Variants in DDX60L observed in about 807,000 individuals in gnomAD.
DDX60L encodes the protein probable ATP-dependent RNA helicase DDX60-like.
In DDX60L, 191 loss-of-function variants were observed where a neutral mutation model predicts 211.6. The observed-to-expected ratio is 0.90, with a 90% CI of 0.80 to 1.02. The LOEUF is 1.02. Ranked by LOEUF, DDX60L falls within the 50% of genes least tolerant of loss-of-function variation. The pLI is 0.00. For synonymous variants in DDX60L, 706 were observed against 694.1 expected, an observed-to-expected ratio of 1.02 and a Z score of -0.27; for missense variants, 2,007 against 1,984.1, an observed-to-expected ratio of 1.01 and a Z score of -0.22.
At chr4:168,470,423 G>C (rs1287658809) in intron 4 of DDX60L, 11 of 152,044 alleles carry the variant, frequency 7.2e-5, no homozygotes, top group African/African-American at 2.4e-4. Context: ...CAAGAAAATG[G>C]GTAAACAAAC....
intron 14 of DDX60L, among the ~76,000 whole-genome samples, chr4:168,424,409 T>C (rs1388217865): frequency 1.3e-5 from 2 of 152,190 alleles, no homozygotes; most frequent in African/African-American, 4.8e-5. Flanking sequence ...TATAAAGTCT[T>C]TATCCTCTTT....
chr4:168,377,446 A>T (rs1295798657), intron 33 of DDX60L, among the ~76,000 whole-genome samples: 1 of 152,160 alleles, frequency 6.6e-6, no homozygotes, highest in Non-Finnish European at 1.5e-5. Flanking sequence ...CTCTTTTTGT[A>T]GCAAAGAGAG....
At chr4:168,394,638 A>G (rs776456583) in intron 27 of DDX60L, 21 bp from the exon 28 acceptor site, 2 of 1,570,700 alleles carry the variant, frequency 1.3e-6, no homozygotes, top group Non-Finnish European at 1.7e-6. Context: ...AAAGAAGTGT[A>G]AAACAATTGA....
intron 1 of DDX60L, among the ~76,000 whole-genome samples, chr4:168,475,135 T>C (rs146510711): frequency 3.5e-3 from 526 of 152,338 alleles, no homozygotes; most frequent in African/African-American, 0.011. Context: ...ACTAACTAGT[T>C]GTGTGGCCTG....
At position 168,378,441 on chromosome 4, in the gene DDX60L, C is replaced by A; in HGVS notation, c.4398G>T (p.Lys1466Asn). 1 of 1,576,890 alleles carries A rather than the reference C, an allele frequency of 6.3e-7. No homozygotes were observed. The highest frequency in any genetic ancestry group is 1.8e-5 in the Admixed American group (1 of 55,240). Residue 1466 changes from lysine (K) to asparagine (N), a missense_variant, in exon 33 of 38, where the codon AAG (lysine) becomes AAT (asparagine). Transcript: ENST00000682922. ...SQQFSQDVME[K>N]LVLVLANLFG... ...ACAAATTTGCCAATACTAACACGAG[C>A]TTTTCCATCACATCTTGGGAAAATT... is the stretch of plus-strand genomic sequence containing the variant.
intron 9 of DDX60L, among the ~76,000 whole-genome samples, chr4:168,443,828 G>C (rs1259787832): frequency 1.3e-5 from 2 of 151,318 alleles, no homozygotes; most frequent in Non-Finnish European, 2.9e-5. Context: ...AGCAAATGCT[G>C]AGAGATTTTG....
intron 9 of DDX60L, among the ~76,000 whole-genome samples, chr4:168,446,394 T>A (rs1455751930): frequency 6.6e-6 from 1 of 152,178 alleles, no homozygotes; most frequent in Non-Finnish European, 1.5e-5. Flanking sequence ...TACAAACAAA[T>A]GGAAGAACAT....
Position 168,423,713 on chromosome 4 carries a change from C to T in DDX60L, c.1992G>A (p.Leu664=). The T allele has an allele frequency of 6.2e-7, 1 of 1,607,348 alleles. No homozygotes were observed. The highest frequency in any genetic ancestry group is 1.1e-5 in the South Asian group (1 of 89,634). Residue 664 remains leucine, a synonymous_variant, in exon 15 of 38, where the codon CTG becomes CTA. Transcript: ENST00000682922. The stretch of plus-strand genomic sequence containing the variant: ...CTTCCAAAATTTCTGGGTATCTCTC[C>T]AGGAGTGAATGAATCCTTTTCATCA... ...VQMMKRIHSL[L]ERYPEILEAE...
intron 36 of DDX60L, among the ~76,000 whole-genome samples, chr4:168,368,445 A>T (rs1740377400): frequency 6.6e-6 from 1 of 152,256 alleles, no homozygotes; most frequent in Non-Finnish European, 1.5e-5. Context: ...AAACGCCTGG[A>T]TGCCCAGGCA....
At position 168,422,628 on chromosome 4, in the gene DDX60L, C is replaced by T. The variant is rs564628225; in HGVS notation, c.2140G>A (p.Gly714Arg). 52 of 1,611,448 alleles carry T rather than the reference C, an allele frequency of 3.2e-5. No homozygotes were observed. Among genetic ancestry groups the T allele is most frequent in the East Asian group, 2.5e-4 (11 of 44,852 alleles). ...KNKKKYSIDI[G>R]PARFQLQYMG... Reference sequence around the variant, plus strand: ...TATTGCAGTTGAAACCGAGCTGGTCCAATGTCAATCGAATATTTCTTCTTA... The same window carrying T: ...TATTGCAGTTGAAACCGAGCTGGTCTAATGTCAATCGAATATTTCTTCTTA... The change falls in exon 16 of 38, where the codon GGA (glycine) becomes AGA (arginine). Residue 714 changes from glycine (G) to arginine (R), a missense_variant. By Grantham distance (125) the Gly-to-Arg change is moderately radical. Coordinates refer to ENST00000682922, the MANE Select transcript of DDX60L (RefSeq NM_001012967.3).
intron 8 of DDX60L, among the ~76,000 whole-genome samples, chr4:168,449,652 CAAAAAAAAAAAAAG>C (rs1278075854): frequency 2.5e-4 from 2 of 7,936 alleles, no homozygotes; most frequent in African/African-American, 1.2e-3. Flanking sequence ...AAAAAAAATG[CAAAAAAAAAAAAAG>C]AAAAAAGAAA....
intron 1 of DDX60L, among the ~76,000 whole-genome samples, chr4:168,473,445 C>G (rs1759069618): frequency 6.6e-6 from 1 of 152,052 alleles, no homozygotes; most frequent in Non-Finnish European, 1.5e-5. Flanking sequence ...CTATTTAGAG[C>G]TGGAGAGATG....
chr4:168,473,408 A>T (rs1287421138), intron 1 of DDX60L, among the ~76,000 whole-genome samples: 1 of 152,172 alleles, frequency 6.6e-6, no homozygotes. Context: ...CTGTAGAAAG[A>T]TGATGGTGGT....
intron 12 of DDX60L, among the ~76,000 whole-genome samples, chr4:168,431,010 C>G (rs754357960): frequency 7.2e-5 from 11 of 152,142 alleles, no homozygotes; most frequent in Non-Finnish European, 1.3e-4. Flanking sequence ...TATATGAGTA[C>G]CTACATCATG....
chr4:168,442,469 C>T (rs1312327902), intron 9 of DDX60L, among the ~76,000 whole-genome samples: 1 of 152,210 alleles, frequency 6.6e-6, no homozygotes, highest in Non-Finnish European at 1.5e-5. Context: ...CGCCATTGCC[C>T]AGGCTTGATT....
At chr4:168,394,984 C>G (rs1205658586) in intron 27 of DDX60L, among the ~76,000 whole-genome samples, 2 of 152,160 alleles carry the variant, frequency 1.3e-5, no homozygotes, top group East Asian at 3.8e-4. Context: ...GAAGGCAGAG[C>G]GAGATCTCTA....
At chr4:168,442,137 T>A (rs1196441450) in intron 9 of DDX60L, among the ~76,000 whole-genome samples, 1 of 151,856 alleles carries the variant, frequency 6.6e-6, no homozygotes, top group East Asian at 1.9e-4. Context: ...CACAGGTCAG[T>A]GGGTGCGCGC....
At chr4:168,455,519 G>A (rs942816657) in intron 7 of DDX60L, among the ~76,000 whole-genome samples, 2 of 152,018 alleles carry the variant, frequency 1.3e-5, no homozygotes, top group Non-Finnish European at 2.9e-5. Context: ...TCAAAATCCA[G>A]GCTGCCTTTT....
chr4:168,365,646 G>A (rs944032754), intron 36 of DDX60L, among the ~76,000 whole-genome samples: 3 of 151,838 alleles, frequency 2.0e-5, no homozygotes, highest in Non-Finnish European at 2.9e-5. Context: ...GAATTTAAGA[G>A]GAGGGACTAC....
Sources: gnomAD v4.1 joint callset for allele counts (sites outside exome capture counted in the v4.1 genomes callset) on GRCh38, gnomAD v4.1.1 for gene constraint, MANE v1.5 for transcripts, NCBI Gene and HGNC (gene_info 2026-07-23, HGNC 2026-07-21) for gene names.